Variants in PPP2R3A observed in about 807,000 individuals in gnomAD.
The protein encoded by PPP2R3A is protein phosphatase 2 regulatory subunit B''alpha.
PPP2R3A carries 80 observed loss-of-function variants against 106.9 expected under a neutral mutation model. That is an observed-to-expected ratio of 0.75 (90% CI 0.62 to 0.90). The LOEUF (loss-of-function observed/expected upper bound fraction) is 0.90. PPP2R3A is among the 40% of genes least tolerant of loss of function. The pLI is 0.00. For missense variants in PPP2R3A, 1,386 were observed against 1,350.4 expected (o/e 1.03, Z -0.41); for synonymous variants, 483 against 468.3 (o/e 1.03, Z -0.41).
chr3:135,987,938 A>G lies in PPP2R3A; in HGVS notation c.-440-13121A>G, dbSNP rs117666986. ...AAGTGCCCCATGGCTCAGCCTTTGGATATCTCCTTTTTACTTCTGTATTCC... is the reference window on the plus strand; with the variant it reads ...AAGTGCCCCATGGCTCAGCCTTTGGGTATCTCCTTTTTACTTCTGTATTCC... On this transcript the variant is annotated intron_variant, in intron 1 of 13. Coordinates refer to ENST00000264977, the MANE Select transcript of PPP2R3A (RefSeq NM_002718.5). Among the ~76,000 whole-genome samples the G allele has an allele frequency of 2.9e-3, 446 of 152,192 alleles. 5 individuals carry two copies. The East Asian group carries it at 0.048, about 16-fold the overall frequency.
intron 3 of PPP2R3A, among the ~76,000 whole-genome samples, chr3:136,034,616 G>A (rs1033352093): frequency 2.0e-5 from 3 of 152,264 alleles, no homozygotes; most frequent in African/African-American, 7.2e-5. Context: ...TTTCTTAAAT[G>A]TATTGAGGCT....
chr3:136,055,732 G>T, intron 5 of PPP2R3A: 2 of 690,628 alleles, frequency 2.9e-6, no homozygotes, highest in East Asian at 2.5e-5. Context: ...ACCACTACTT[G>T]GGAAATCATC....
chr3:136,113,250 G>GT (rs1345878908), intron 13 of PPP2R3A, among the ~76,000 whole-genome samples: 1 of 152,168 alleles, frequency 6.6e-6, no homozygotes, highest in African/African-American at 2.4e-5. Flanking sequence ...AAACAGCATG[G>GT]TGCTGATACA....
Position 136,034,047 on chromosome 3 carries a change from T to G in PPP2R3A, c.2263-6812T>G, listed in dbSNP as rs560580873. ...TTTTTCTTTTTCTTTTTCTTTTTTTTTTTTTTTGAGACAGAATCTCTCTCT... is the reference window on the plus strand; with the variant it reads ...TTTTTCTTTTTCTTTTTCTTTTTTTGTTTTTTTGAGACAGAATCTCTCTCT... On this transcript the variant is annotated intron_variant, in intron 3 of 13. Coordinates refer to ENST00000264977, the MANE Select transcript of PPP2R3A (RefSeq NM_002718.5). 6.6e-5 allele frequency among the ~76,000 whole-genome samples: 10 copies of G among 150,390 alleles called. No homozygotes were observed. The South Asian group carries it at 1.9e-3, about 28-fold the overall frequency.
At chr3:135,970,657 T>C (rs1255938101) in intron 1 of PPP2R3A, among the ~76,000 whole-genome samples, 1 of 152,000 alleles carries the variant, frequency 6.6e-6, no homozygotes, top group Admixed American at 6.6e-5. Context: ...AGTAAGGAAA[T>C]GGGAGTGGCA....
intron 3 of PPP2R3A, among the ~76,000 whole-genome samples, chr3:136,038,353 A>G (rs1386804198): frequency 6.6e-6 from 1 of 152,114 alleles, no homozygotes. Context: ...TCTGGGTCAT[A>G]ATAAGTTTAT....
intron 4 of PPP2R3A, 22 bp from the exon 5 acceptor site, chr3:136,049,237 T>A: frequency 1.3e-6 from 2 of 1,547,116 alleles, no homozygotes; most frequent in Non-Finnish European, 1.8e-6. Context: ...CTAATCTTCC[T>A]AAGCAGTTGT....
At chr3:136,132,255 G>T (rs541123996) in intron 13 of PPP2R3A, among the ~76,000 whole-genome samples, 1 of 152,112 alleles carries the variant, frequency 6.6e-6, no homozygotes, top group African/African-American at 2.4e-5. Context: ...TGTAACTGGG[G>T]GGTCCTAGCC....
chr3:136,028,979 A>C (rs542219114), intron 3 of PPP2R3A, among the ~76,000 whole-genome samples: 1 of 152,026 alleles, frequency 6.6e-6, no homozygotes, highest in Admixed American at 6.6e-5. Context: ...CAGCCTCCCA[A>C]GTAGCTGGGA....
intron 2 of PPP2R3A, among the ~76,000 whole-genome samples, chr3:136,019,660 A>G (rs1238293716): frequency 2.0e-5 from 3 of 152,162 alleles, no homozygotes; most frequent in African/African-American, 7.2e-5. Flanking sequence ...CATATATACT[A>G]ATACTTCCAT....
intron 10 of PPP2R3A, among the ~76,000 whole-genome samples, chr3:136,099,930 AAAAG>A (rs1937316652): frequency 6.6e-6 from 1 of 151,970 alleles, no homozygotes; most frequent in Non-Finnish European, 1.5e-5. Context: ...AAAAAAAAAA[AAAAG>A]AGAAGGAGGG....
At chr3:136,014,138 T>C (rs1484013596) in intron 2 of PPP2R3A, among the ~76,000 whole-genome samples, 4 of 152,196 alleles carry the variant, frequency 2.6e-5, no homozygotes, top group African/African-American at 4.8e-5. Context: ...TTGTCAAGGA[T>C]CAGTTGGTTG....
At chr3:136,123,079 AAT>A (rs145852254) in intron 13 of PPP2R3A, among the ~76,000 whole-genome samples, 5,013 of 152,248 alleles carry the variant, frequency 0.033, 294 homozygotes, top group African/African-American at 0.11. Flanking sequence ...TTGCTGTGTT[AAT>A]TTATTAATTT....
At position 136,002,501 on chromosome 3, in the gene PPP2R3A, G is replaced by A. The variant is rs943638902; in HGVS notation, c.1003G>A (p.Glu335Lys). 9 of 1,613,956 alleles carry A rather than the reference G, an allele frequency of 5.6e-6. No individual in the cohort carries two copies. The Admixed American group carries it at 8.3e-5, about 15-fold the overall frequency. The stretch of plus-strand genomic sequence containing the variant: ...TGGCACTGAACAACCCCCTAAATAT[G>A]AAGATGTTGTCCAGCTCTCAGCTTC... The part of the protein sequence containing the change: ...VFGTEQPPKY[E>K]DVVQLSASDS... Residue 335 changes from glutamate to lysine, a missense_variant, in exon 2 of 14, where the codon GAA becomes AAA. Transcript: ENST00000264977.
At chr3:136,010,807 T>A (rs550749881) in intron 2 of PPP2R3A, among the ~76,000 whole-genome samples, 1 of 152,292 alleles carries the variant, frequency 6.6e-6, no homozygotes, top group Non-Finnish European at 1.5e-5. Flanking sequence ...CAAACACTCC[T>A]GCAGAGATTG....
intron 3 of PPP2R3A, among the ~76,000 whole-genome samples, chr3:136,037,862 C>T (rs1438322931): frequency 7.2e-5 from 11 of 151,972 alleles, no homozygotes; most frequent in African/African-American, 2.2e-4. Flanking sequence ...ATTGACTCGC[C>T]TCCCCCTCTA....
intron 1 of PPP2R3A, among the ~76,000 whole-genome samples, chr3:135,980,365 A>G (rs1324122026): frequency 6.6e-6 from 1 of 151,714 alleles, no homozygotes; most frequent in South Asian, 2.1e-4. Context: ...TGCTCAGTAC[A>G]TAAGACAGAA....
chr3:136,114,527 T>C (rs1937665512), intron 13 of PPP2R3A, among the ~76,000 whole-genome samples: 1 of 152,090 alleles, frequency 6.6e-6, no homozygotes, highest in African/African-American at 2.4e-5. Context: ...CAAACTAAGA[T>C]CCACTGGCTT....
intron 2 of PPP2R3A, among the ~76,000 whole-genome samples, chr3:136,016,025 T>A (rs540774382): frequency 6.6e-6 from 1 of 152,154 alleles, no homozygotes; most frequent in African/African-American, 2.4e-5. Context: ...GTCACTATTA[T>A]TGTCTGGCTC....
Sources: allele counts gnomAD v4.1 joint callset (sites outside exome capture counted in the v4.1 genomes callset), GRCh38; gene constraint gnomAD v4.1.1; transcripts MANE v1.5; gene names NCBI Gene and HGNC (gene_info 2026-07-23, HGNC 2026-07-21).